Variants in PTP4A3 observed in about 807,000 individuals in gnomAD.
PTP4A3 encodes protein tyrosine phosphatase type IVA 3.
PTP4A3 carries 9 observed loss-of-function variants against 15.2 expected under a neutral mutation model. The observed-to-expected ratio is 0.59, with a 90% confidence interval of 0.36 to 1.03. The LOEUF is 1.03. Ranked by LOEUF, PTP4A3 falls within the 50% of genes least tolerant of loss-of-function variation. PTP4A3 has a pLI of 0.02. For missense variants in PTP4A3, 234 were observed against 252.1 expected (o/e 0.93, Z 0.49); for synonymous variants, 95 against 102.0 (o/e 0.93, Z 0.41).
At chr8:141,401,753 G>A (rs1832595608) in intron 1 of PTP4A3, among the ~76,000 whole-genome samples, 1 of 152,220 alleles carries the variant, frequency 6.6e-6, no homozygotes, top group South Asian at 2.1e-4. Context: ...GCATGCGGGG[G>A]CAGGGAGCTC....
chr8:141,408,445 C>A (rs1294322451), intron 1 of PTP4A3, among the ~76,000 whole-genome samples: 1 of 152,126 alleles, frequency 6.6e-6, no homozygotes, highest in East Asian at 1.9e-4. Context: ...ATGGCGAAAC[C>A]CTGTCTCTAC....
At chr8:141,407,529 G>A (rs117640130) in intron 1 of PTP4A3, among the ~76,000 whole-genome samples, 6,152 of 152,030 alleles carry the variant, frequency 0.04, 141 homozygotes, top group Non-Finnish European at 0.046. Flanking sequence ...GGCCCAGGAC[G>A]GCTTTGAATG....
intron 1 of PTP4A3, among the ~76,000 whole-genome samples, chr8:141,399,487 C>T (rs1007169427): frequency 3.9e-5 from 6 of 152,228 alleles, no homozygotes; most frequent in East Asian, 3.9e-4. Flanking sequence ...CTGTCCCCTC[C>T]GCATGGCCCT....
At chr8:141,422,795 A>G (rs1455698911) in intron 2 of PTP4A3, among the ~76,000 whole-genome samples, 1 of 152,134 alleles carries the variant, frequency 6.6e-6, no homozygotes, top group Non-Finnish European at 1.5e-5. Context: ...TCTCTGTGTG[A>G]GGAGGGACTG....
chr8:141,411,118 C>T (rs1832857309), intron 1 of PTP4A3, among the ~76,000 whole-genome samples: 2 of 152,170 alleles, frequency 1.3e-5, no homozygotes, highest in Non-Finnish European at 1.5e-5. Context: ...CACAAACCAC[C>T]CTCCTCCTGT....
Position 141,408,661 on chromosome 8 carries a change from A to T in PTP4A3, c.-853-12727A>T, listed in dbSNP as rs1381848067. 1.3e-4 allele frequency among the ~76,000 whole-genome samples: 20 copies of T among 152,014 alleles called. 1 individual carries two copies. Among genetic ancestry groups the T allele is most frequent in the Admixed American group, 1.3e-3 (20 of 15,270 alleles). ...AAAATGGTGGATTTCATGTGTTATG[A>T]ATTTTATCTCAAAAAATAAATTAGG... On this transcript the variant is annotated intron_variant, in intron 1 of 5. Coordinates refer to ENST00000521578, the MANE Select transcript of PTP4A3 (RefSeq NM_032611.3).
intron 1 of PTP4A3, among the ~76,000 whole-genome samples, chr8:141,399,242 G>C (rs1832526194): frequency 6.6e-6 from 1 of 152,092 alleles, no homozygotes; most frequent in Non-Finnish European, 1.5e-5. Flanking sequence ...TTCTACTGAT[G>C]CCTGGAACGC....
At chr8:141,420,108 AG>A (rs1833258347) in intron 1 of PTP4A3, among the ~76,000 whole-genome samples, 1 of 150,446 alleles carries the variant, frequency 6.6e-6, no homozygotes, top group Non-Finnish European at 1.5e-5. Flanking sequence ...GCAGCTGGGA[AG>A]GGGGTGCTGG....
chr8:141,422,151 A>AT lies in PTP4A3; in HGVS notation c.-84dup. 7.9e-7 allele frequency: 1 copy of AT among 1,264,790 alleles called. No homozygotes were observed. The allele number at this position is 1,264,790 out of a possible 1,614,324, so 78.3% of individuals were successfully genotyped here. ...CAAGCACAGGGATCTCGTTCTCCTC[A>AT]TTTTTTGGGGGTGTGTGGGGACTTC... On this transcript the variant is annotated 5_prime_UTR_variant, in exon 2 of 6. Transcript: ENST00000521578.
intron 1 of PTP4A3, among the ~76,000 whole-genome samples, chr8:141,416,119 T>C (rs1833043751): frequency 6.6e-6 from 1 of 152,098 alleles, no homozygotes; most frequent in Non-Finnish European, 1.5e-5. Context: ...GGGTCCACTT[T>C]TGTAGCGCCA....
At chr8:141,410,844 C>CAG (rs1563729209) in intron 1 of PTP4A3, among the ~76,000 whole-genome samples, 6 of 151,712 alleles carry the variant, frequency 4.0e-5, no homozygotes, top group African/African-American at 1.5e-4. Context: ...CCAGGCCTTG[C>CAG]GGGTGGAAAG....
chr8:141,425,220 G>T lies in PTP4A3; in HGVS notation c.198+80G>T. The T allele has an allele frequency of 3.6e-6, 5 of 1,386,424 alleles. No homozygotes were observed. In the South Asian group the frequency reaches 6.3e-5, roughly 17 times the overall value. 85.9% of individuals were successfully genotyped at this position (1,386,424 alleles called of 1,614,324 possible). Reference sequence around the variant, plus strand: ...GCGGGGGGCTCCGGGCCTGCGCAGAGGGTTTGGTGCCCCTCCTGTGGCAGC... The same window carrying T: ...GCGGGGGGCTCCGGGCCTGCGCAGATGGTTTGGTGCCCCTCCTGTGGCAGC... On this transcript the variant is annotated intron_variant, in intron 3 of 5. Coordinates refer to ENST00000521578, the MANE Select transcript of PTP4A3 (RefSeq NM_032611.3). This position sits in a 1 kb window ranked among gnomAD's most constrained non-coding sequence, Gnocchi z 4.2.
chr8:141,426,673 A>G (rs1465887399), intron 3 of PTP4A3: 3 of 985,218 alleles, frequency 3.0e-6, no homozygotes, highest in Non-Finnish European at 2.4e-6. Context: ...GGCTCTATTC[A>G]GAAAGGGGTG....
At chr8:141,420,589 T>G (rs1172572198) in intron 1 of PTP4A3, among the ~76,000 whole-genome samples, 1 of 152,204 alleles carries the variant, frequency 6.6e-6, no homozygotes, top group East Asian at 1.9e-4. Context: ...CCTGGCCACC[T>G]GTGCTGTCAC....
intron 3 of PTP4A3, chr8:141,426,404 G>A (rs536456086): frequency 6.1e-6 from 6 of 981,860 alleles, no homozygotes; most frequent in Non-Finnish European, 6.0e-6. Context: ...CGGTGGAACC[G>A]CCTGTTTCGA....
intron 1 of PTP4A3, among the ~76,000 whole-genome samples, chr8:141,413,657 G>T (rs565753258): frequency 1.3e-5 from 2 of 152,250 alleles, no homozygotes; most frequent in African/African-American, 2.4e-5. Context: ...CCACGTGTGC[G>T]CATGTGAGTG....
chr8:141,430,831 C>A, intron 5 of PTP4A3, 96 bp from the exon 6 acceptor site: 1 of 1,213,612 alleles, frequency 8.2e-7, no homozygotes, highest in Non-Finnish European at 1.2e-6. Context: ...GGCCTTACTC[C>A]AGCCCACTGC....
intron 1 of PTP4A3, among the ~76,000 whole-genome samples, chr8:141,396,803 T>C (rs1832462779): frequency 6.6e-6 from 1 of 152,154 alleles, no homozygotes; most frequent in Non-Finnish European, 1.5e-5. Context: ...AGACCACGCA[T>C]AACCCGAGGG....
intron 1 of PTP4A3, among the ~76,000 whole-genome samples, chr8:141,394,430 C>T (rs1054294774): frequency 1.2e-4 from 19 of 152,174 alleles, no homozygotes; most frequent in African/African-American, 3.9e-4. Flanking sequence ...TCGAGAGCAC[C>T]GTTTCTCCCC....
Sources: allele counts gnomAD v4.1 joint callset (sites outside exome capture counted in the v4.1 genomes callset), GRCh38; gene constraint gnomAD v4.1.1; non-coding constraint Gnocchi (gnomAD v3.1); transcripts MANE v1.5; gene names NCBI Gene and HGNC (gene_info 2026-07-23, HGNC 2026-07-21).